The following AOPEP variants were observed in gnomAD, a reference collection of about 807,000 sequenced individuals.
AOPEP encodes the protein aminopeptidase O (putative).
AOPEP carries 77 observed loss-of-function variants against 98.1 expected under a neutral mutation model. That is an observed-to-expected ratio of 0.78 (90% confidence interval 0.65 to 0.95). The LOEUF (loss-of-function observed/expected upper bound fraction) is 0.95. Among genes scored for constraint, AOPEP ranks in the 40% least tolerant of loss-of-function variants. The probability of loss-of-function intolerance (pLI) is 0.00; values close to 1 mark genes in which losing one functional copy is unlikely to be tolerated. For missense variants in AOPEP, 1,024 were observed against 1,024.7 expected (o/e 1.00, Z 0.01); for synonymous variants, 346 against 365.3 (o/e 0.95, Z 0.60).
At chr9:95,119,412 CT>C in the AOPEP span, among the ~76,000 whole-genome samples, 2 of 147,436 alleles carry the variant, frequency 1.4e-5, no homozygotes, top group African/African-American at 5.1e-5. Flanking sequence ...TGTTGCCAAG[CT>C]GGAGTGCAGT....
At chr9:94,828,543 A>T (rs1291076356) in intron 5 of AOPEP, among the ~76,000 whole-genome samples, 1 of 152,188 alleles carries the variant, frequency 6.6e-6, no homozygotes, top group Non-Finnish European at 1.5e-5. Flanking sequence ...CAAAACAGTC[A>T]TCAGTGTCAT....
intron 1 of AOPEP, among the ~76,000 whole-genome samples, chr9:94,727,775 T>C (rs1014262846): frequency 2.0e-5 from 3 of 152,190 alleles, no homozygotes; most frequent in Non-Finnish European, 4.4e-5. Context: ...CTTCCAATAT[T>C]TGGGGGACAA....
At chr9:95,114,315 C>G in the AOPEP span, 3 of 385,452 alleles carry the variant, frequency 7.8e-6, no homozygotes, top group Non-Finnish European at 1.5e-5. Context: ...GTGGGTGCTG[C>G]TTTTTCCAAG....
At chr9:94,870,572 A>G (rs751096698) in intron 5 of AOPEP, among the ~76,000 whole-genome samples, 6 of 152,196 alleles carry the variant, frequency 3.9e-5, no homozygotes, top group Non-Finnish European at 8.8e-5. Flanking sequence ...CAGAGGCTAC[A>G]GAGGCAGGAC....
At chr9:94,992,858 A>G (rs2060985919) in intron 11 of AOPEP, among the ~76,000 whole-genome samples, 1 of 152,240 alleles carries the variant, frequency 6.6e-6, no homozygotes, top group African/African-American at 2.4e-5. Flanking sequence ...TGGAACCTGT[A>G]GAATTGCCCT....
At chr9:94,951,741 A>G (rs1413845141) in intron 7 of AOPEP, among the ~76,000 whole-genome samples, 2 of 152,254 alleles carry the variant, frequency 1.3e-5, no homozygotes, top group Non-Finnish European at 2.9e-5. Context: ...GCATGATGAT[A>G]GTAAAGGCTG....
rs2060116892 is a variant in AOPEP, at chr9:94,980,488, A to G, written c.1977+1061A>G. Among the ~76,000 whole-genome samples, 1 of 152,236 alleles carries G rather than the reference A, an allele frequency of 6.6e-6. No individual in the cohort carries two copies. The highest frequency in any genetic ancestry group is 2.4e-5 in the African/African-American group (1 of 41,470). ...TCTGTGAACCATGAAATGAAGGGAC[A>G]GGAGGGGCTGTTCTCCATTACCTTT... On this transcript the variant is annotated intron_variant, in intron 11 of 16. Transcript: ENST00000375315. This position sits in a 1 kb window ranked among gnomAD's most constrained non-coding sequence, Gnocchi z 4.3.
At chr9:95,128,522 G>A in the AOPEP span, among the ~76,000 whole-genome samples, 1 of 152,164 alleles carries the variant, frequency 6.6e-6, no homozygotes. Flanking sequence ...ACTAATTATA[G>A]GGATTTCCAA....
chr9:94,856,306 G>C (rs112039006), intron 5 of AOPEP, among the ~76,000 whole-genome samples: 17 of 152,038 alleles, frequency 1.1e-4, no homozygotes, highest in Non-Finnish European at 8.8e-5. Flanking sequence ...GGGCCAAATA[G>C]CTATTTACTA....
intron 2 of AOPEP, among the ~76,000 whole-genome samples, chr9:94,767,915 A>T (rs572891938): frequency 6.6e-6 from 1 of 152,334 alleles, no homozygotes; most frequent in East Asian, 1.9e-4. Context: ...GAAGAGGTGC[A>T]TGTGTGTGTA....
chr9:94,837,747 G>A (rs1239473841), intron 5 of AOPEP, among the ~76,000 whole-genome samples: 2 of 152,088 alleles, frequency 1.3e-5, no homozygotes, highest in Non-Finnish European at 2.9e-5. Context: ...ATTGGCATAC[G>A]AGGGACATAC....
At chr9:94,790,726 C>T (rs1845521984) in intron 3 of AOPEP, among the ~76,000 whole-genome samples, 1 of 152,092 alleles carries the variant, frequency 6.6e-6, no homozygotes, top group African/African-American at 2.4e-5. Context: ...AGGAACCATG[C>T]ACGTGGAGAT....
chr9:94,811,508 T>A (rs1850578473), intron 5 of AOPEP, among the ~76,000 whole-genome samples: 1 of 152,110 alleles, frequency 6.6e-6, no homozygotes, highest in African/African-American at 2.4e-5. Flanking sequence ...CCACTCCCCA[T>A]CAGCAATCCC....
At chr9:95,137,830 A>C in the AOPEP span, among the ~76,000 whole-genome samples, 2 of 152,204 alleles carry the variant, frequency 1.3e-5, no homozygotes, top group Non-Finnish European at 2.9e-5. Flanking sequence ...TCATCAGAGC[A>C]CGAGAAGATA....
chr9:94,829,810 A>G (rs1855547759), intron 5 of AOPEP, among the ~76,000 whole-genome samples: 1 of 152,104 alleles, frequency 6.6e-6, no homozygotes, highest in Non-Finnish European at 1.5e-5. Context: ...CCTTGACTCT[A>G]GCTCTCTTGG....
At chr9:95,123,293 G>A in the AOPEP span, 20 of 294,206 alleles carry the variant, frequency 6.8e-5, no homozygotes, top group Non-Finnish European at 1.2e-4. Context: ...GGCAGAGTAA[G>A]AGCCTGTCTC....
intron 13 of AOPEP, among the ~76,000 whole-genome samples, chr9:95,051,088 A>ATTTTTTTTT (rs2066308079): frequency 2.1e-5 from 1 of 48,466 alleles, no homozygotes; most frequent in Non-Finnish European, 5.4e-5. Context: ...TTTGTGGCTT[A>ATTTTTTTTT]CTTTTTTTTT....
At chr9:94,926,068 ACT>A (rs2054272809) in intron 6 of AOPEP, among the ~76,000 whole-genome samples, 1 of 151,856 alleles carries the variant, frequency 6.6e-6, no homozygotes, top group Non-Finnish European at 1.5e-5. Context: ...CCCTTCTGAG[ACT>A]CTCAGATTCG....
chr9:94,836,500 C>G (rs991892987), intron 5 of AOPEP, among the ~76,000 whole-genome samples: 1 of 152,094 alleles, frequency 6.6e-6, no homozygotes, highest in Non-Finnish European at 1.5e-5. Flanking sequence ...TGCTTACTTT[C>G]TTTGGCATCA....
Sources: allele counts gnomAD v4.1 joint callset (sites outside exome capture counted in the v4.1 genomes callset), GRCh38; gene constraint gnomAD v4.1.1; non-coding constraint Gnocchi (gnomAD v3.1); transcripts MANE v1.5; gene names NCBI Gene and HGNC (gene_info 2026-07-23, HGNC 2026-07-21).